ARHGAP44: variants seen among roughly 807,000 people sequenced by gnomAD.
ARHGAP44 encodes Rho GTPase activating protein 44.
A neutral mutation model predicts 106.8 loss-of-function variants in ARHGAP44; 43 were observed. The ratio of observed to expected loss-of-function variants is 0.40; its 90% CI spans 0.32 to 0.52. The LOEUF (loss-of-function observed/expected upper bound fraction) is 0.52, where lower values mean the gene tolerates loss of function less well. Ranked by LOEUF, ARHGAP44 falls within the 20% of genes least tolerant of loss-of-function variation. The pLI, the probability that ARHGAP44 is intolerant of heterozygous loss-of-function variation, is 0.48. For synonymous variants in ARHGAP44, 439 were observed against 410.3 expected (o/e 1.07, Z -0.85); for missense variants, 866 against 1,050.5 (o/e 0.82, Z 2.43).
intron 1 of ARHGAP44, among the ~76,000 whole-genome samples, chr17:12,817,383 A>G (rs1488586209): frequency 6.6e-6 from 1 of 152,080 alleles, no homozygotes; most frequent in Non-Finnish European, 1.5e-5. Flanking sequence ...GCACATAAGT[A>G]TATATACCTA....
In ARHGAP44 at chr17:12,949,482, C is replaced by T. The variant is rs2038941672; in HGVS notation, c.974-167C>T. Among the ~76,000 whole-genome samples, 1 of 152,180 alleles carries T rather than the reference C, an allele frequency of 6.6e-6. No homozygotes were observed. Among genetic ancestry groups the T allele is most frequent in the African/African-American group, 2.4e-5 (1 of 41,426 alleles). On this transcript the variant is annotated intron_variant, in intron 11 of 20. Transcript: ENST00000379672. This position sits in a 1 kb window ranked among gnomAD's most constrained non-coding sequence, Gnocchi z 4.1. ...TTGTGGGAAGAAAGAGGGGCCAGGT[C>T]CCCTGTCAGAGCCTCATACCCATTT...
At chr17:12,900,387 A>G (rs950221432) in intron 3 of ARHGAP44, among the ~76,000 whole-genome samples, 6 of 151,966 alleles carry the variant, frequency 3.9e-5, no homozygotes, top group Non-Finnish European at 5.9e-5. Context: ...TCAGCCTCCC[A>G]AAGTGTTGGG....
At chr17:12,864,889 T>C (rs528882967) in intron 1 of ARHGAP44, among the ~76,000 whole-genome samples, 14 of 152,104 alleles carry the variant, frequency 9.2e-5, no homozygotes, top group Non-Finnish European at 1.5e-4. Context: ...TTCTGAAAGA[T>C]GAAGGGGAAG....
Position 12,980,224 on chromosome 17 carries a change from C to G in ARHGAP44, c.1930C>G (p.Leu644Val), listed in dbSNP as rs1313041883. ...QPPADQSPHT[L>V]RKVSKKLAPI... The stretch of plus-strand genomic sequence containing the variant: ...GCCTGCAGACCAGAGTCCTCACACC[C>G]TCCGGAAAGGTATGGCCCTGCTTCC... Residue 644 changes from leucine (L) to valine (V), a missense_variant, in exon 19 of 21, where the codon CTC (leucine) becomes GTC (valine). By Grantham distance (32) the Leu-to-Val change is conservative. This residue lies in a region of ARHGAP44 where 418 missense variants were observed against 403.6 expected (regional missense o/e 1.04). Coordinates refer to ENST00000379672, the MANE Select transcript of ARHGAP44 (RefSeq NM_014859.6). 1.9e-6 allele frequency: 3 copies of G among 1,611,846 alleles called. No individual in the cohort carries two copies. The highest frequency in any genetic ancestry group is 2.7e-5 in the African/African-American group (2 of 74,972).
At chr17:12,957,813 C>G (rs1196489671) in intron 15 of ARHGAP44, among the ~76,000 whole-genome samples, 1 of 152,130 alleles carries the variant, frequency 6.6e-6, no homozygotes, top group African/African-American at 2.4e-5. Flanking sequence ...TAAGGGAATG[C>G]TTTTTGCTGT....
intron 7 of ARHGAP44, among the ~76,000 whole-genome samples, chr17:12,935,760 T>A: frequency 6.6e-6 from 1 of 151,894 alleles, no homozygotes. Flanking sequence ...GGTGAGCCAA[T>A]GATGTAGAGA....
At position 12,941,183 on chromosome 17, in the gene ARHGAP44, G is replaced by A. The variant is rs2038699406; in HGVS notation, c.651+59G>A. ...CTGTTCGTAGGAGAAGGGAATGTGG[G>A]CATGGAATTAAGAGTCCCTTAATTG... On this transcript the variant is annotated intron_variant, in intron 8 of 20. Transcript: ENST00000379672. The A allele has an allele frequency of 4.0e-6, 6 of 1,508,688 alleles. No homozygotes were observed. In the East Asian group the frequency reaches 6.8e-5, roughly 17 times the overall value. The allele number at this position is 1,508,688 out of a possible 1,614,324, so 93.5% of individuals were successfully genotyped here.
At chr17:12,875,642 C>T (rs537658134) in intron 1 of ARHGAP44, among the ~76,000 whole-genome samples, 1 of 151,724 alleles carries the variant, frequency 6.6e-6, no homozygotes, top group African/African-American at 2.4e-5. Context: ...CACCCTCAAG[C>T]TATTTTAAGA....
chr17:12,953,543 C>T (rs913432195), intron 13 of ARHGAP44, among the ~76,000 whole-genome samples: 3 of 152,186 alleles, frequency 2.0e-5, no homozygotes, highest in Non-Finnish European at 4.4e-5. Flanking sequence ...CTAAAAGAAT[C>T]GAAAGCAGGG....
intron 1 of ARHGAP44, among the ~76,000 whole-genome samples, chr17:12,834,412 A>G (rs2035178020): frequency 6.6e-6 from 1 of 152,176 alleles, no homozygotes; most frequent in Non-Finnish European, 1.5e-5. Context: ...ATAACACTCA[A>G]CATTTTAACA....
chr17:12,807,223 G>C (rs1567623659), intron 1 of ARHGAP44, among the ~76,000 whole-genome samples: 1 of 152,194 alleles, frequency 6.6e-6, no homozygotes, highest in African/African-American at 2.4e-5. Flanking sequence ...GAGCAGAGAG[G>C]AGGGCTGAGG....
chr17:12,975,755 G>GC (rs1301094790), intron 18 of ARHGAP44, among the ~76,000 whole-genome samples: 1 of 127,110 alleles, frequency 7.9e-6, no homozygotes, highest in Non-Finnish European at 1.5e-5. Flanking sequence ...CCCGGATCGC[G>GC]CCACTGCACT....
chr17:12,932,330 TTTG>T (rs2038425838), intron 7 of ARHGAP44, among the ~76,000 whole-genome samples: 1 of 152,246 alleles, frequency 6.6e-6, no homozygotes, highest in Non-Finnish European at 1.5e-5. Flanking sequence ...ACATTCTTAA[TTTG>T]GTGAATTGCC....
At chr17:12,886,680 A>AT (rs1333242919) in intron 1 of ARHGAP44, among the ~76,000 whole-genome samples, 3 of 152,094 alleles carry the variant, frequency 2.0e-5, no homozygotes, top group East Asian at 3.9e-4. Context: ...AGTTCTACGA[A>AT]TTTTTTTATA....
At chr17:12,803,046 C>A (rs1261271363) in intron 1 of ARHGAP44, among the ~76,000 whole-genome samples, 18 of 142,334 alleles carry the variant, frequency 1.3e-4, no homozygotes. Flanking sequence ...GATCTTGGCT[C>A]ACTGCAACCT....
intron 1 of ARHGAP44, among the ~76,000 whole-genome samples, chr17:12,872,919 T>C (rs1435769593): frequency 6.6e-6 from 1 of 152,220 alleles, no homozygotes; most frequent in Non-Finnish European, 1.5e-5. Context: ...TGTGCTTAAA[T>C]TAGTCAATTC....
intron 1 of ARHGAP44, among the ~76,000 whole-genome samples, chr17:12,868,320 G>A (rs997262613): frequency 5.3e-5 from 8 of 151,996 alleles, no homozygotes; most frequent in South Asian, 2.1e-4. Flanking sequence ...GCATTTTACC[G>A]GAATCCTCTT....
At chr17:12,870,048 CTTTTTTT>C (rs3074688) in intron 1 of ARHGAP44, among the ~76,000 whole-genome samples, 1 of 113,098 alleles carries the variant, frequency 8.8e-6, no homozygotes, top group Admixed American at 1.1e-4. Flanking sequence ...CAAATACCGT[CTTTTTTT>C]TTTTTTTTTT....
chr17:12,990,018 C>G lies in ARHGAP44; in HGVS notation c.2318-14C>G, dbSNP rs1567729560. 1.9e-6 allele frequency: 3 copies of G among 1,594,602 alleles called. No individual in the cohort carries two copies. Among genetic ancestry groups the G allele is most frequent in the African/African-American group, 2.7e-5 (2 of 74,632 alleles). ...AGCCTCCTTTCAACCACCTCTCTCT[C>G]TGCCGCCTTCCAGATCTTGTCCACT... On this transcript the variant is annotated splice_polypyrimidine_tract_variant and intron_variant, in intron 20 of 20. Transcript: ENST00000379672.
Sources: allele counts gnomAD v4.1 joint callset (sites outside exome capture counted in the v4.1 genomes callset), GRCh38; gene constraint gnomAD v4.1.1; regional missense constraint gnomAD v4.1.1; non-coding constraint Gnocchi (gnomAD v3.1); transcripts MANE v1.5; gene names NCBI Gene and HGNC (gene_info 2026-07-23, HGNC 2026-07-21).